Variants in ZBTB38 observed in about 807,000 individuals in gnomAD.
The protein encoded by ZBTB38 is zinc finger and BTB domain containing 38.
ZBTB38 carries 20 observed loss-of-function variants against 76.8 expected under a neutral mutation model. That is an observed-to-expected ratio of 0.26 (90% CI 0.18 to 0.38). ZBTB38 has a LOEUF of 0.38. Among genes scored for constraint, ZBTB38 ranks in the 10% least tolerant of loss-of-function variants. The pLI is 1.00. For missense variants in ZBTB38, 1,082 were observed against 1,482.3 expected, an observed-to-expected ratio of 0.73 and a Z score of 4.43; for synonymous variants, 504 against 544.2, an observed-to-expected ratio of 0.93 and a Z score of 1.03.
At chr3:141,441,103 A>G (rs1420807418) in intron 5 of ZBTB38, among the ~76,000 whole-genome samples, 1 of 151,928 alleles carries the variant, frequency 6.6e-6, no homozygotes, top group African/African-American at 2.4e-5. Flanking sequence ...AATGCATCAC[A>G]CCTAGTAAGG....
chr3:141,389,991 A>C (rs1576918858), intron 4 of ZBTB38: 1 of 152,328 alleles, frequency 6.6e-6, no homozygotes, highest in South Asian at 2.1e-4. Context: ...AAAGAATTTT[A>C]AACCCAATTC....
At chr3:141,330,959 C>T (rs575567645) in intron 1 of ZBTB38, among the ~76,000 whole-genome samples, 12 of 152,322 alleles carry the variant, frequency 7.9e-5, no homozygotes, top group Admixed American at 6.5e-4. Context: ...ACATTTCTTT[C>T]CTTATAAAAT....
chr3:141,337,162 T>C (rs528669354), intron 1 of ZBTB38, among the ~76,000 whole-genome samples: 1 of 152,348 alleles, frequency 6.6e-6, no homozygotes, highest in South Asian at 2.1e-4. Flanking sequence ...TATACAGATG[T>C]AGGAACCTGC....
intron 2 of ZBTB38, among the ~76,000 whole-genome samples, chr3:141,370,750 T>C (rs761451005): frequency 3.9e-5 from 6 of 152,248 alleles, no homozygotes; most frequent in Non-Finnish European, 5.9e-5. Context: ...TTTACTTATT[T>C]TTCCTCTCAG....
chr3:141,388,171 A>G (rs1429450582), intron 4 of ZBTB38: 2 of 152,120 alleles, frequency 1.3e-5, no homozygotes, highest in African/African-American at 2.4e-5. Context: ...AATTTTTTGA[A>G]AAGAGTGATG....
At chr3:141,390,418 T>A (rs1396631993) in intron 4 of ZBTB38, among the ~76,000 whole-genome samples, 2 of 152,224 alleles carry the variant, frequency 1.3e-5, no homozygotes, top group Non-Finnish European at 2.9e-5. Context: ...GTTGGAATGA[T>A]TTATAATATA....
Position 141,448,332 on chromosome 3 carries a change from TGTTA to T in ZBTB38, c.*2360_*2363del, listed in dbSNP as rs968264982. 1 of 152,618 alleles carries T rather than the reference TGTTA, an allele frequency of 6.6e-6. No individual in the cohort carries two copies. Among genetic ancestry groups the T allele is most frequent in the African/African-American group, 2.4e-5 (1 of 41,450 alleles). 9.5% of individuals were successfully genotyped at this position (152,618 alleles called of 1,614,324 possible). A position where few individuals can be genotyped will look rare whatever the true frequency, so the allele number is the denominator to read the frequency against. Reference sequence around the variant, plus strand: ...ATTCATTTAAAATGTTGATAGCTTGTGTTAGTTTCAGGGAGGGGTGTATATTTTG... The same window carrying T: ...ATTCATTTAAAATGTTGATAGCTTGTGTTTCAGGGAGGGGTGTATATTTTG... On this transcript the variant is annotated 3_prime_UTR_variant, in exon 6 of 6. Coordinates refer to ENST00000321464, the MANE Select transcript of ZBTB38 (RefSeq NM_001376113.1).
intron 1 of ZBTB38, among the ~76,000 whole-genome samples, chr3:141,339,840 A>T (rs1943118896): frequency 6.6e-6 from 1 of 152,354 alleles, no homozygotes; most frequent in Admixed American, 6.5e-5. Flanking sequence ...TCAAGAAAAG[A>T]GTCCGGGCTA....
At position 141,442,500 on chromosome 3, in the gene ZBTB38, A is replaced by G; in HGVS notation, c.112A>G (p.Ile38Val). The change falls in exon 6 of 6, where the codon ATT becomes GTT. Residue 38 changes from isoleucine (I) to valine (V), a missense_variant. By Grantham distance (29) the Ile-to-Val change is conservative (BLOSUM62 3). This residue lies in a region of ZBTB38 where 68 missense variants were observed against 153.0 expected (regional missense o/e 0.44). Transcript: ENST00000321464. This position sits in a 1 kb window ranked among gnomAD's most constrained non-coding sequence, Gnocchi z 6.4. ...GGGCATTTTATGCGATGTCACTATCATTGTGGAAGATACCAAATTTAAAGC... is the reference window on the plus strand; with the variant it reads ...GGGCATTTTATGCGATGTCACTATCGTTGTGGAAGATACCAAATTTAAAGC... ...IRGILCDVTI[I>V]VEDTKFKAHS... The G allele has an allele frequency of 5.0e-6, 8 of 1,614,210 alleles. No homozygotes were observed. The highest frequency in any genetic ancestry group is 6.8e-6 in the Non-Finnish European group (8 of 1,180,040).
intron 2 of ZBTB38, among the ~76,000 whole-genome samples, chr3:141,378,738 T>C (rs1173795543): frequency 6.6e-6 from 1 of 152,206 alleles, no homozygotes; most frequent in African/African-American, 2.4e-5. Context: ...CACCCTCTGC[T>C]TCTCAGAGAC....
intron 1 of ZBTB38, among the ~76,000 whole-genome samples, chr3:141,335,712 A>C (rs1260470386): frequency 6.6e-6 from 1 of 152,052 alleles, no homozygotes; most frequent in Non-Finnish European, 1.5e-5. Context: ...CCTCTGCTGA[A>C]CTCTCCATGA....
At chr3:141,406,786 A>T (rs1356393242) in intron 5 of ZBTB38, among the ~76,000 whole-genome samples, 2 of 152,174 alleles carry the variant, frequency 1.3e-5, no homozygotes, top group African/African-American at 2.4e-5. Flanking sequence ...AGCCAGCGGA[A>T]GGGGGTTCCT....
At position 141,419,034 on chromosome 3, in the gene ZBTB38, C is replaced by T. The variant is rs185442404; in HGVS notation, c.-1+15003C>T. The stretch of plus-strand genomic sequence containing the variant: ...CACTGCTGTAAAGAGCTACCTGAGA[C>T]GGTAATTTATGAAGAAAAGAGGTTT... On this transcript the variant is annotated intron_variant, in intron 5 of 5. Coordinates refer to ENST00000321464, the MANE Select transcript of ZBTB38 (RefSeq NM_001376113.1). 1.2e-3 allele frequency among the ~76,000 whole-genome samples: 188 copies of T among 152,240 alleles called. 3 individuals carry two copies. Among genetic ancestry groups the T allele is most frequent in the African/African-American group, 4.2e-3 (176 of 41,526 alleles).
At position 141,394,751 on chromosome 3, in the gene ZBTB38, T is replaced by A. The variant is rs114387424; in HGVS notation, c.-106+7814T>A. Among the ~76,000 whole-genome samples, 778 of 152,318 alleles carry A rather than the reference T, an allele frequency of 5.1e-3. 6 individuals are homozygous for A. Among genetic ancestry groups the A allele is most frequent in the African/African-American group, 0.017 (717 of 41,568 alleles). On this transcript the variant is annotated intron_variant, in intron 4 of 5. Coordinates refer to ENST00000321464, the MANE Select transcript of ZBTB38 (RefSeq NM_001376113.1). ...CCAGGAGAACCACACCTGGCTGGCA[T>A]ACCAGCATTTAGCACTGCATCATCC...
At chr3:141,418,246 G>A (rs2150077470) in intron 5 of ZBTB38, among the ~76,000 whole-genome samples, 1 of 152,224 alleles carries the variant, frequency 6.6e-6, no homozygotes, top group African/African-American at 2.4e-5. Context: ...CCATCTCCTA[G>A]CGCAGCCCTG....
At chr3:141,398,215 GGGCCCTATT>G (rs564723181) in intron 4 of ZBTB38, among the ~76,000 whole-genome samples, 174 of 152,300 alleles carry the variant, frequency 1.1e-3, no homozygotes, top group Non-Finnish European at 2.0e-3. Flanking sequence ...CTGTAAACTG[GGGCCCTATT>G]GGCCAGATTC....
At position 141,413,088 on chromosome 3, in the gene ZBTB38, T is replaced by A. The variant is rs1323844594; in HGVS notation, c.-1+9057T>A. On this transcript the variant is annotated intron_variant, in intron 5 of 5. Transcript: ENST00000321464. The surrounding 1 kb of genome is among the most constrained non-coding windows in gnomAD (Gnocchi z 4.1). ...CAAACTGGAAACATGGGAGGAGGAA[T>A]TGTGGGAAATGGGGAAGAAGAAAAT... Among the ~76,000 whole-genome samples the A allele has an allele frequency of 6.6e-6, 1 of 152,038 alleles. No individual in the cohort carries two copies. Among genetic ancestry groups the A allele is most frequent in the Non-Finnish European group, 1.5e-5 (1 of 67,996 alleles).
rs573260840 is a variant in ZBTB38 at position 141,429,638 on chromosome 3, A to G, written c.1-12751A>G. Among the ~76,000 whole-genome samples, 234 of 152,316 alleles carry G rather than the reference A, an allele frequency of 1.5e-3. 1 individual carries two copies. The highest frequency in any genetic ancestry group is 5.3e-3 in the African/African-American group (220 of 41,556). ...AGAGTGGACAGTAAACAAGCAGGCA[A>G]CGACGGGTGATAATTGCAGGTTGAG... On this transcript the variant is annotated intron_variant, in intron 5 of 5. Coordinates refer to ENST00000321464, the MANE Select transcript of ZBTB38 (RefSeq NM_001376113.1).
At chr3:141,380,897 A>G (rs966347491) in intron 2 of ZBTB38, among the ~76,000 whole-genome samples, 3 of 152,214 alleles carry the variant, frequency 2.0e-5, no homozygotes, top group Non-Finnish European at 2.9e-5. Flanking sequence ...GTGTGAAGAA[A>G]GATATAAAGA....
Sources: allele counts gnomAD v4.1 joint callset (sites outside exome capture counted in the v4.1 genomes callset), GRCh38; gene constraint gnomAD v4.1.1; regional missense constraint gnomAD v4.1.1; non-coding constraint Gnocchi (gnomAD v3.1); transcripts MANE v1.5; gene names NCBI Gene and HGNC (gene_info 2026-07-23, HGNC 2026-07-21).